KDM2B: variants seen among roughly 807,000 people sequenced by gnomAD.
The protein encoded by KDM2B is lysine-specific demethylase 2B.
In KDM2B, 26 loss-of-function variants were observed where a neutral mutation model predicts 150.0. The observed-to-expected ratio is 0.17, with a 90% CI of 0.13 to 0.24. The LOEUF (loss-of-function observed/expected upper bound fraction) is 0.24. KDM2B is among the 10% of genes least tolerant of loss of function. The probability of loss-of-function intolerance (pLI) is 1.00; values close to 1 mark genes in which losing one functional copy is unlikely to be tolerated. For missense variants in KDM2B, 1,265 were observed against 1,816.9 expected, an observed-to-expected ratio of 0.70 and a Z score of 5.52; for synonymous variants, 734 against 729.5, an observed-to-expected ratio of 1.01 and a Z score of -0.10.
At chr12:121,463,184 G>A (rs1295084425) in intron 12 of KDM2B, among the ~76,000 whole-genome samples, 1 of 151,952 alleles carries the variant, frequency 6.6e-6, no homozygotes, top group Admixed American at 6.6e-5. Context: ...CCATGGTGGC[G>A]CACACCTGTA....
intron 4 of KDM2B, among the ~76,000 whole-genome samples, chr12:121,557,671 A>C (rs1407976392): frequency 1.3e-5 from 2 of 152,180 alleles, no homozygotes; most frequent in African/African-American, 2.4e-5. Context: ...AAGCCAGAGA[A>C]GGCAAGGAAG....
At chr12:121,570,842 G>C (rs1297240387) in intron 4 of KDM2B, among the ~76,000 whole-genome samples, 2 of 152,160 alleles carry the variant, frequency 1.3e-5, no homozygotes, top group Admixed American at 6.5e-5. Flanking sequence ...AAGTGAAGAT[G>C]CATGTTCAAC....
chr12:121,559,494 A>G (rs1890173326), intron 4 of KDM2B, among the ~76,000 whole-genome samples: 1 of 152,206 alleles, frequency 6.6e-6, no homozygotes, highest in Non-Finnish European at 1.5e-5. Context: ...ACGGGGCAGC[A>G]GGAAACACAG....
At chr12:121,560,388 A>T (rs2136235887) in intron 4 of KDM2B, among the ~76,000 whole-genome samples, 1 of 152,204 alleles carries the variant, frequency 6.6e-6, no homozygotes, top group South Asian at 2.1e-4. Context: ...TTCCTTCACC[A>T]CAGAACCCCT....
intron 12 of KDM2B, among the ~76,000 whole-genome samples, chr12:121,491,863 T>C (rs1217155992): frequency 6.8e-6 from 1 of 148,106 alleles, no homozygotes; most frequent in Non-Finnish European, 1.5e-5. Context: ...CACTGCTCAA[T>C]AGAAATAACA....
chr12:121,580,563 A>T (rs1292055475), intron 1 of KDM2B: 6 of 513,312 alleles, frequency 1.2e-5, no homozygotes, highest in Non-Finnish European at 1.7e-5. Flanking sequence ...CATCCCGGAG[A>T]TGGCGGGGCA....
At chr12:121,546,641 G>A (rs1889078648) in intron 6 of KDM2B, among the ~76,000 whole-genome samples, 1 of 150,882 alleles carries the variant, frequency 6.6e-6, no homozygotes, top group Non-Finnish European at 1.5e-5. Flanking sequence ...CTGACCTCGT[G>A]ATCTGCCCAC....
chr12:121,549,739 C>G lies in KDM2B; in HGVS notation c.398-101G>C. 1.9e-6 allele frequency: 2 copies of G among 1,066,128 alleles called. No individual in the cohort carries two copies. Among genetic ancestry groups the G allele is most frequent in the Non-Finnish European group, 2.7e-6 (2 of 744,736 alleles). The allele number at this position is 1,066,128 out of a possible 1,614,324, so 66.0% of individuals were successfully genotyped here. On this transcript the variant is annotated intron_variant, in intron 4 of 22. Coordinates refer to ENST00000377071, the MANE Select transcript of KDM2B (RefSeq NM_032590.5). This position sits in a 1 kb window ranked among gnomAD's most constrained non-coding sequence, Gnocchi z 4.4. ...ACAAAAGCTGCTCCTCCACGTTTCC[C>G]CACAGTCCTCACCCCTCTTCCTCAT...
intron 12 of KDM2B, among the ~76,000 whole-genome samples, chr12:121,477,773 T>G (rs2139878100): frequency 1.3e-5 from 2 of 152,204 alleles, no homozygotes; most frequent in Admixed American, 1.3e-4. Flanking sequence ...AGACAAAGTT[T>G]CACCATGTTG....
chr12:121,474,073 CA>C (rs1881070668), intron 12 of KDM2B, among the ~76,000 whole-genome samples: 1 of 152,038 alleles, frequency 6.6e-6, no homozygotes, highest in African/African-American at 2.4e-5. Context: ...TGCCAGGGAC[CA>C]GGGGAGGGGG....
At chr12:121,579,634 CA>C in intron 1 of KDM2B, 1 of 1,334,254 alleles carries the variant, frequency 7.5e-7, no homozygotes, top group Non-Finnish European at 9.8e-7. Context: ...CATCTCCCCA[CA>C]AGCGCGCGCG....
chr12:121,416,020 A>C, the KDM2B span: 2 of 635,116 alleles, frequency 3.1e-6, no homozygotes, highest in Non-Finnish European at 5.5e-6. Flanking sequence ...AATGGCTTGA[A>C]ATTTCAGTGC....
In KDM2B at chr12:121,444,183, C is replaced by T; in HGVS notation, c.2280G>A (p.Gly760=). ...CACTCCTCCGCTTGGCAGGTTCCTG[C>T]CCTTCCTTGTTGTCCCGGTTCATCT... The part of the protein sequence containing the change: ...EQKMNRDNKE[G]QEPAKRRSEC... The change falls in exon 16 of 23, where the codon GGG becomes GGA. Residue 760 remains glycine, a synonymous_variant. Transcript: ENST00000377071. 6 of 1,612,820 alleles carry T rather than the reference C, an allele frequency of 3.7e-6. No homozygotes were observed. The highest frequency in any genetic ancestry group is 5.1e-6 in the Non-Finnish European group (6 of 1,180,042).
the KDM2B span, chr12:121,418,255 G>A: frequency 6.3e-5 from 13 of 204,978 alleles, no homozygotes; most frequent in Admixed American, 1.1e-4. Flanking sequence ...GTTAGTGCAC[G>A]TGTTTCAGTG....
At chr12:121,567,091 GC>G (rs782105464) in intron 4 of KDM2B, among the ~76,000 whole-genome samples, 32 of 152,080 alleles carry the variant, frequency 2.1e-4, no homozygotes, top group African/African-American at 7.2e-4. Context: ...TACCATGTTG[GC>G]CAGGCCGGTC....
intron 4 of KDM2B, among the ~76,000 whole-genome samples, chr12:121,550,696 G>A (rs1316774293): frequency 6.6e-6 from 1 of 152,086 alleles, no homozygotes; most frequent in Admixed American, 6.6e-5. Context: ...GTTTCGCCAT[G>A]TTGGTCAGGC....
chr12:121,457,211 A>T, intron 12 of KDM2B, among the ~76,000 whole-genome samples: 1 of 152,184 alleles, frequency 6.6e-6, no homozygotes, highest in Non-Finnish European at 1.5e-5. Context: ...CTCTGTCCTG[A>T]TATCTTTTGG....
At chr12:121,558,446 T>C (rs112738824) in intron 4 of KDM2B, among the ~76,000 whole-genome samples, 2,015 of 128,060 alleles carry the variant, frequency 0.016, 47 homozygotes, top group African/African-American at 0.062. Context: ...TGTGTTTCCT[T>C]TTCTTTTTCT....
chr12:121,445,397 C>G lies in KDM2B; in HGVS notation c.1981G>C (p.Val661Leu), dbSNP rs782589352. 19 of 1,605,356 alleles carry G rather than the reference C, an allele frequency of 1.2e-5. No homozygotes were observed. The highest frequency in any genetic ancestry group is 1.6e-5 in the Non-Finnish European group (19 of 1,175,248). Residue 661 changes from valine to leucine, a missense_variant, in exon 14 of 23, where the codon GTG becomes CTG. Val to Leu is a conservative substitution (Grantham distance 32). Coordinates refer to ENST00000377071, the MANE Select transcript of KDM2B (RefSeq NM_032590.5). ...CCCGCCTCGCCACACACAAGGCACA[C>G]GGCGGTGTGGGGCAGCACTGGCTGA... The part of the protein sequence containing the change: ...CIAPVLPHTA[V>L]CLVCGEAGKE...
Sources: gnomAD v4.1 joint callset for allele counts (sites outside exome capture counted in the v4.1 genomes callset) on GRCh38, gnomAD v4.1.1 for gene constraint, Gnocchi (gnomAD v3.1) non-coding constraint, MANE v1.5 for transcripts, NCBI Gene and HGNC (gene_info 2026-07-23, HGNC 2026-07-21) for gene names.